PDE4D: variants seen among roughly 807,000 people sequenced by gnomAD.
The protein encoded by PDE4D is phosphodiesterase 4D.
In PDE4D, 24 loss-of-function variants were observed where a neutral mutation model predicts 87.4. That is an observed-to-expected ratio of 0.27 (90% confidence interval 0.20 to 0.39). The LOEUF is 0.39. PDE4D is among the 10% of genes least tolerant of loss of function. The pLI, the probability that PDE4D is intolerant of heterozygous loss-of-function variation, is 1.00. For missense variants in PDE4D, 714 were observed against 1,041.0 expected (o/e 0.69, Z 4.32); for synonymous variants, 384 against 383.2 (o/e 1.00, Z -0.02).
chr5:59,150,079 T>A (rs1779262077), intron 5 of PDE4D, among the ~76,000 whole-genome samples: 1 of 152,174 alleles, frequency 6.6e-6, no homozygotes, highest in South Asian at 2.1e-4. Flanking sequence ...TTCAGAGCCT[T>A]AGAGCGGGGA....
At chr5:59,924,589 C>T (rs997714163) in intron 3 of PDE4D, among the ~76,000 whole-genome samples, 22 of 150,942 alleles carry the variant, frequency 1.5e-4, no homozygotes, top group African/African-American at 5.3e-4. Flanking sequence ...AAGATCTCAC[C>T]TCTTATTCTA....
chr5:59,661,869 T>TG (rs990889502), intron 1 of PDE4D, among the ~76,000 whole-genome samples: 17 of 152,220 alleles, frequency 1.1e-4, no homozygotes. Context: ...CCTGTTTGCC[T>TG]GGGGTGCTAA....
At chr5:59,546,443 C>T (rs551668303) in intron 1 of PDE4D, among the ~76,000 whole-genome samples, 88 of 152,000 alleles carry the variant, frequency 5.8e-4, no homozygotes, top group African/African-American at 2.0e-3. Context: ...TTTCTTCTCA[C>T]CCACTAAAAA....
intron 1 of PDE4D, among the ~76,000 whole-genome samples, chr5:60,508,889 TTTTATTTA>T (rs10644681): frequency 2.8e-4 from 42 of 151,022 alleles, no homozygotes; most frequent in African/African-American, 7.4e-4. Flanking sequence ...CTTTCTTTTC[TTTTATTTA>T]TTTATTTATT....
At chr5:59,329,033 C>T (rs1776235674) in intron 1 of PDE4D, among the ~76,000 whole-genome samples, 1 of 152,170 alleles carries the variant, frequency 6.6e-6, no homozygotes, top group African/African-American at 2.4e-5. Flanking sequence ...ATGTGGATCA[C>T]CGACTGCATC....
chr5:59,328,517 T>C (rs1274532198), intron 1 of PDE4D, among the ~76,000 whole-genome samples: 13 of 152,180 alleles, frequency 8.5e-5, no homozygotes, highest in Non-Finnish European at 1.8e-4. Flanking sequence ...GTCACAAGTG[T>C]ATGTTGGGAG....
chr5:59,347,546 CAA>C (rs2153584907), intron 1 of PDE4D, among the ~76,000 whole-genome samples: 1 of 152,242 alleles, frequency 6.6e-6, no homozygotes, highest in East Asian at 1.9e-4. Flanking sequence ...ATATTTCAAA[CAA>C]AACAAGGTTC....
chr5:60,289,145 A>G (rs756552701), intron 1 of PDE4D, among the ~76,000 whole-genome samples: 5 of 152,216 alleles, frequency 3.3e-5, no homozygotes, highest in Non-Finnish European at 5.9e-5. Context: ...GTCATCTTAC[A>G]TTCATGTCTT....
chr5:60,081,858 T>C (rs1250188875), intron 2 of PDE4D, among the ~76,000 whole-genome samples: 3 of 152,208 alleles, frequency 2.0e-5, no homozygotes, highest in Non-Finnish European at 4.4e-5. Flanking sequence ...AATTCCTCAA[T>C]GCACAGGAAA....
intron 1 of PDE4D, among the ~76,000 whole-genome samples, chr5:59,433,534 G>A (rs180970990): frequency 1.3e-5 from 2 of 152,002 alleles, no homozygotes; most frequent in South Asian, 4.2e-4. Flanking sequence ...GGTAGTTGGG[G>A]ACTTGATCTT....
rs1335177897 is a variant in PDE4D, at chr5:60,149,527, C to CAT, written c.42+36028_42+36029dup. ...GGAGATACACTCAAACCATAGCAAA[C>CAT]ATAGACACTCTGCTCCAGCCTACTA... On this transcript the variant is annotated intron_variant, in intron 2 of 16. Coordinates refer to the PDE4D transcript ENST00000502484. 2.6e-5 allele frequency among the ~76,000 whole-genome samples: 4 copies of CAT among 152,150 alleles called. No individual in the cohort carries two copies. In the East Asian group the frequency reaches 7.7e-4, roughly 29 times the overall value.
rs1405979113 is a variant in PDE4D, at chr5:59,444,639, C to A, written c.456-228671G>T. ...CATCCTGGCTAACACGGTGAAACCC[C>A]GTCTCTACTAAAAACACAAAAAATT... On this transcript the variant is annotated intron_variant, in intron 1 of 14. Transcript: ENST00000340635. Among the ~76,000 whole-genome samples the A allele has an allele frequency of 4.6e-5, 7 of 152,132 alleles. No homozygotes were observed. In the East Asian group the frequency reaches 1.2e-3, roughly 25 times the overall value.
intron 1 of PDE4D, among the ~76,000 whole-genome samples, chr5:60,414,127 G>A (rs1429449373): frequency 2.0e-5 from 3 of 152,290 alleles, no homozygotes; most frequent in South Asian, 2.1e-4. Flanking sequence ...CAGTAGGGCC[G>A]ATGCTAAGAC....
chr5:59,634,987 C>G (rs1024305653), intron 1 of PDE4D, among the ~76,000 whole-genome samples: 5 of 151,874 alleles, frequency 3.3e-5, no homozygotes, highest in African/African-American at 1.2e-4. Context: ...AGACCACTAG[C>G]CAGATCAATG....
intron 2 of PDE4D, among the ~76,000 whole-genome samples, chr5:59,214,977 T>C (rs1196643683): frequency 1.3e-5 from 2 of 152,168 alleles, no homozygotes; most frequent in Non-Finnish European, 2.9e-5. Context: ...GTGAATGTTA[T>C]TGGACAAATG....
At chr5:60,353,175 C>A (rs1169545008) in intron 1 of PDE4D, among the ~76,000 whole-genome samples, 1 of 152,192 alleles carries the variant, frequency 6.6e-6, no homozygotes, top group East Asian at 1.9e-4. Flanking sequence ...TACCTGCCAC[C>A]TTGGGTCACT....
chr5:60,276,095 G>A (rs1257023111), intron 1 of PDE4D, among the ~76,000 whole-genome samples: 4 of 152,174 alleles, frequency 2.6e-5, no homozygotes, highest in African/African-American at 7.2e-5. Flanking sequence ...GGGAAAATGT[G>A]TATTTTGCTG....
At chr5:60,430,545 G>GTTTTTTTTTTT (rs1303120305) in intron 1 of PDE4D, among the ~76,000 whole-genome samples, 2 of 116,346 alleles carry the variant, frequency 1.7e-5, no homozygotes, top group African/African-American at 7.9e-5. Context: ...GTTTTTTTTT[G>GTTTTTTTTTTT]TTTGTTTTTT....
At chr5:60,454,217 G>A (rs1360083840) in intron 1 of PDE4D, among the ~76,000 whole-genome samples, 2 of 152,046 alleles carry the variant, frequency 1.3e-5, no homozygotes, top group African/African-American at 4.8e-5. Flanking sequence ...AAGATGGTTG[G>A]TTCCATTGTG....
Sources: gnomAD v4.1 joint callset for allele counts (sites outside exome capture counted in the v4.1 genomes callset) on GRCh38, gnomAD v4.1.1 for gene constraint, MANE v1.5 for transcripts, NCBI Gene and HGNC (gene_info 2026-07-23, HGNC 2026-07-21) for gene names.